ATF7IP2: variants seen among roughly 807,000 people sequenced by gnomAD.
ATF7IP2 encodes activating transcription factor 7-interacting protein 2.
Under a neutral mutation model 64.2 loss-of-function variants are expected in ATF7IP2, and 42 were observed. The ratio of observed to expected loss-of-function variants is 0.65; its 90% CI spans 0.51 to 0.85. The LOEUF (loss-of-function observed/expected upper bound fraction) is 0.85, where lower values mean the gene tolerates loss of function less well. Ranked by LOEUF, ATF7IP2 falls within the 40% of genes least tolerant of loss-of-function variation. The pLI, the probability that ATF7IP2 is intolerant of heterozygous loss-of-function variation, is 0.00. For missense variants in ATF7IP2, 933 were observed against 784.2 expected (o/e 1.19, Z -2.27); for synonymous variants, 308 against 272.8 (o/e 1.13, Z -1.27).
At chr16:10,479,484 C>T (rs1288929914) in intron 12 of ATF7IP2, among the ~76,000 whole-genome samples, 1 of 151,994 alleles carries the variant, frequency 6.6e-6, no homozygotes, top group East Asian at 1.9e-4. Context: ...GGGAACATCA[C>T]ACACTGGGGC....
intron 1 of ATF7IP2, among the ~76,000 whole-genome samples, chr16:10,405,531 G>A (rs79348435): frequency 0.086 from 13,096 of 152,214 alleles, 629 homozygotes; most frequent in South Asian, 0.14. Context: ...GGCTTGGGCC[G>A]TGAGAAACAT....
At chr16:10,441,428 T>G (rs962909774) in intron 8 of ATF7IP2, among the ~76,000 whole-genome samples, 3 of 152,198 alleles carry the variant, frequency 2.0e-5, no homozygotes, top group African/African-American at 7.2e-5. Context: ...GTTTCCTGAC[T>G]TTTTAATGAT....
chr16:10,482,853 GACTAT>G lies in ATF7IP2; in HGVS notation c.*606_*610del, dbSNP rs2050287061. The stretch of plus-strand genomic sequence containing the variant: ...CTATGTCAGCCTCCCAAGTAGCTGG[GACTAT>G]AGTCACTTGCCACCATGCCCGGCTA... On this transcript the variant is annotated 3_prime_UTR_variant, in exon 14 of 14. Coordinates refer to ENST00000562102, the MANE Select transcript of ATF7IP2 (RefSeq NM_001393719.1). The G allele has an allele frequency of 6.6e-6, 1 of 152,230 alleles. No individual in the cohort carries two copies. 9.4% of individuals were successfully genotyped at this position (152,230 alleles called of 1,614,324 possible). A position where few individuals can be genotyped will look rare whatever the true frequency, so the allele number is the denominator to read the frequency against.
intron 12 of ATF7IP2, among the ~76,000 whole-genome samples, chr16:10,479,958 C>CTTTTTTTTTTTTTTTTTTTTTTTTTTT (rs201158427): frequency 1.2e-5 from 1 of 80,568 alleles, no homozygotes; most frequent in Admixed American, 1.7e-4. Flanking sequence ...ACTGGAAATA[C>CTTTTTTTTTTTTTTTTTTTTTTTTTTT]TTTTTTTTTT....
rs1468648766 is a variant in ATF7IP2 at position 10,440,438 on chromosome 16, G to C, written c.1170G>C (p.Met390Ile). The change falls in exon 8 of 14, where the codon ATG becomes ATC. Residue 390 changes from methionine to isoleucine, a missense_variant. By Grantham distance (10) the Met-to-Ile change is conservative. Coordinates refer to ENST00000562102, the MANE Select transcript of ATF7IP2 (RefSeq NM_001393719.1). ...LFQRNCLKPN[M>I]LSSNGASKVA... ...AAAGGAATTGTTTGAAACCAAACAT[G>C]TTATCCAGTAATGGAGCCTCTAAGG... 2.3e-5 allele frequency: 36 copies of C among 1,558,352 alleles called. No homozygotes were observed. The highest frequency in any genetic ancestry group is 2.8e-5 in the African/African-American group (2 of 72,098).
chr16:10,453,955 TAAG>T (rs754724342), intron 8 of ATF7IP2: 4 of 151,562 alleles, frequency 2.6e-5, no homozygotes, highest in Non-Finnish European at 4.4e-5. Context: ...GCTTTCTTCG[TAAG>T]AAGGCTTTTA....
chr16:10,396,024 T>G lies in ATF7IP2; in HGVS notation c.-242+9902T>G, dbSNP rs549852277. On this transcript the variant is annotated intron_variant, in intron 1 of 13. Coordinates refer to ENST00000562102, the MANE Select transcript of ATF7IP2 (RefSeq NM_001393719.1). ...TTAATATGTAGAAAATTCTAAGAGA[T>G]TCACAAACCATTAAAGATAAAAGCC... is the stretch of plus-strand genomic sequence containing the variant. Among the ~76,000 whole-genome samples the G allele has an allele frequency of 3.3e-5, 5 of 152,038 alleles. No individual in the cohort carries two copies. The South Asian group carries it at 1.0e-3, about 32-fold the overall frequency.
intron 9 of ATF7IP2, among the ~76,000 whole-genome samples, chr16:10,466,942 T>C (rs1463567173): frequency 6.6e-6 from 1 of 152,224 alleles, no homozygotes; most frequent in Non-Finnish European, 1.5e-5. Context: ...TCTGTTTCTA[T>C]TGTTTTTCTG....
At chr16:10,400,209 T>A (rs534016073) in intron 1 of ATF7IP2, among the ~76,000 whole-genome samples, 2 of 152,102 alleles carry the variant, frequency 1.3e-5, no homozygotes, top group Admixed American at 1.3e-4. Context: ...CCTGGCTAAT[T>A]TTTGTATTTT....
intron 1 of ATF7IP2, among the ~76,000 whole-genome samples, chr16:10,400,464 T>C (rs957877993): frequency 1.3e-5 from 2 of 152,234 alleles, no homozygotes; most frequent in African/African-American, 4.8e-5. Context: ...ACTGATATCC[T>C]ATTTCCCTTT....
At chr16:10,466,526 C>T (rs778498529) in intron 9 of ATF7IP2, among the ~76,000 whole-genome samples, 12 of 151,988 alleles carry the variant, frequency 7.9e-5, no homozygotes, top group East Asian at 1.9e-4. Flanking sequence ...GTATCCTTGC[C>T]AACTCTTGGT....
intron 1 of ATF7IP2, among the ~76,000 whole-genome samples, chr16:10,391,339 TG>T (rs1346883436): frequency 2.0e-5 from 3 of 151,616 alleles, no homozygotes; most frequent in African/African-American, 7.3e-5. Flanking sequence ...GAGAATCACT[TG>T]AACCCAGGAG....
At chr16:10,436,415 T>C (rs570508403) in intron 6 of ATF7IP2, among the ~76,000 whole-genome samples, 113 of 152,230 alleles carry the variant, frequency 7.4e-4, no homozygotes, top group African/African-American at 2.3e-3. Context: ...TAATACATTT[T>C]GAGCACATTC....
At chr16:10,459,945 G>A (rs1335380487) in intron 9 of ATF7IP2, among the ~76,000 whole-genome samples, 3 of 151,612 alleles carry the variant, frequency 2.0e-5, no homozygotes, top group East Asian at 1.9e-4. Context: ...CCAAAAAATC[G>A]GGGGAAAAGG....
intron 1 of ATF7IP2, among the ~76,000 whole-genome samples, chr16:10,401,134 G>T (rs2047525062): frequency 6.6e-6 from 1 of 151,960 alleles, no homozygotes; most frequent in Non-Finnish European, 1.5e-5. Context: ...TTGCATCCTT[G>T]GTATAAAACC....
At chr16:10,407,446 A>G (rs2047666367) in intron 1 of ATF7IP2, among the ~76,000 whole-genome samples, 1 of 152,186 alleles carries the variant, frequency 6.6e-6, no homozygotes, top group Non-Finnish European at 1.5e-5. Context: ...AATTGTCCTT[A>G]TTTACAGATG....
intron 8 of ATF7IP2, among the ~76,000 whole-genome samples, chr16:10,450,314 G>C (rs539686494): frequency 6.6e-6 from 1 of 152,198 alleles, no homozygotes; most frequent in African/African-American, 2.4e-5. Context: ...GGAGAGTTCT[G>C]TAGATGTCTA....
At chr16:10,455,632 AG>A (rs1018146318) in intron 8 of ATF7IP2, among the ~76,000 whole-genome samples, 1 of 152,308 alleles carries the variant, frequency 6.6e-6, no homozygotes, top group African/African-American at 2.4e-5. Context: ...AGGAGTTTTG[AG>A]GAGCATGCTT....
At chr16:10,426,444 T>G (rs1282361963) in intron 3 of ATF7IP2, among the ~76,000 whole-genome samples, 2 of 152,206 alleles carry the variant, frequency 1.3e-5, no homozygotes, top group Non-Finnish European at 2.9e-5. Flanking sequence ...CATGCAGACA[T>G]TTTCCAGGTG....
Sources: allele counts gnomAD v4.1 joint callset (sites outside exome capture counted in the v4.1 genomes callset), GRCh38; gene constraint gnomAD v4.1.1; transcripts MANE v1.5; gene names NCBI Gene and HGNC (gene_info 2026-07-23, HGNC 2026-07-21).